IGF1R: variants seen among roughly 807,000 people sequenced by gnomAD.
IGF1R encodes the protein insulin-like growth factor 1 receptor.
IGF1R carries 44 observed loss-of-function variants against 144.6 expected under a neutral mutation model. The observed-to-expected ratio is 0.30, with a 90% CI of 0.24 to 0.39. The LOEUF (loss-of-function observed/expected upper bound fraction) is 0.39, where lower values mean the gene tolerates loss of function less well. Among genes scored for constraint, IGF1R ranks in the 10% least tolerant of loss-of-function variants. IGF1R has a pLI of 1.00. For synonymous variants in IGF1R, 795 were observed against 722.8 expected, an observed-to-expected ratio of 1.10 and a Z score of -1.60; for missense variants, 1,355 against 1,833.7, an observed-to-expected ratio of 0.74 and a Z score of 4.77.
intron 2 of IGF1R, among the ~76,000 whole-genome samples, chr15:98,835,694 C>T (rs1013536042): frequency 5.9e-5 from 9 of 152,214 alleles, no homozygotes; most frequent in African/African-American, 2.2e-4. Flanking sequence ...CCAGACCCTC[C>T]TGGCAGCTTT....
At chr15:98,815,267 C>T (rs2056672332) in intron 2 of IGF1R, among the ~76,000 whole-genome samples, 1 of 152,312 alleles carries the variant, frequency 6.6e-6, no homozygotes, top group Middle Eastern at 3.4e-3. Flanking sequence ...CGAAAGGCAA[C>T]AGAAAACCTG....
intron 15 of IGF1R, among the ~76,000 whole-genome samples, chr15:98,932,738 T>C (rs762207503): frequency 4.6e-5 from 7 of 152,220 alleles, no homozygotes; most frequent in Non-Finnish European, 1.0e-4. Flanking sequence ...CCGCCTCTTC[T>C]TCAGGGGTGC....
chr15:98,864,070 C>T (rs571648024), intron 2 of IGF1R, among the ~76,000 whole-genome samples: 56 of 151,818 alleles, frequency 3.7e-4, no homozygotes, highest in Middle Eastern at 6.8e-3. Flanking sequence ...CCAGCTTGGG[C>T]AACATAGGGA....
At chr15:98,788,058 CTCTCTGTGTGTGTGTGTG>C (rs2056044018) in intron 2 of IGF1R, among the ~76,000 whole-genome samples, 1 of 128,008 alleles carries the variant, frequency 7.8e-6, no homozygotes, top group African/African-American at 3.0e-5. Flanking sequence ...CTCTCTCTCT[CTCTCTGTGTGTGTGTGTG>C]TGTGTGTGTG....
At chr15:98,700,681 G>A (rs914358164) in intron 1 of IGF1R, among the ~76,000 whole-genome samples, 22 of 152,026 alleles carry the variant, frequency 1.4e-4, no homozygotes, top group East Asian at 1.2e-3. Flanking sequence ...TGTTCTCCCC[G>A]CCACACGGGC....
chr15:98,707,905 T>A lies in IGF1R; in HGVS notation c.438T>A (p.Asn146Lys). Residue 146 changes from asparagine (N) to lysine (K), a missense_variant, in exon 2 of 21, where the codon AAT becomes AAA. By Grantham distance (94) the Asn-to-Lys change is moderately conservative (BLOSUM62 0). Around this residue, in one of 7 missense-constraint regions of IGF1R, gnomAD observed 880 missense variants for 1,202.7 expected, o/e 0.73. Coordinates refer to ENST00000650285, the MANE Select transcript of IGF1R (RefSeq NM_000875.5). This position sits in a 1 kb window ranked among gnomAD's most constrained non-coding sequence, Gnocchi z 6.7. ...GGGGGGCCATCAGGATTGAGAAAAA[T>A]GCTGACCTCTGTTACCTCTCCACTG... Reference protein sequence around the residue: ...ITRGAIRIEKNADLCYLSTVD... With the variant: ...ITRGAIRIEKKADLCYLSTVD... 1 of 1,614,062 alleles carries A rather than the reference T, an allele frequency of 6.2e-7. No homozygotes were observed. The highest frequency in any genetic ancestry group is 8.5e-7 in the Non-Finnish European group (1 of 1,180,010).
At chr15:98,737,366 T>A (rs1026997554) in intron 2 of IGF1R, among the ~76,000 whole-genome samples, 3 of 152,128 alleles carry the variant, frequency 2.0e-5, no homozygotes, top group Non-Finnish European at 2.9e-5. Context: ...AATGTGGAGA[T>A]TAGGAACCGA....
At chr15:98,743,083 G>A (rs142654381) in intron 2 of IGF1R, among the ~76,000 whole-genome samples, 5 of 152,106 alleles carry the variant, frequency 3.3e-5, no homozygotes, top group African/African-American at 9.7e-5. Flanking sequence ...GGTTTTGTTC[G>A]TTATTTTTTT....
intron 13 of IGF1R, among the ~76,000 whole-genome samples, chr15:98,926,516 T>C (rs1253029551): frequency 6.6e-6 from 1 of 151,414 alleles, no homozygotes; most frequent in East Asian, 1.9e-4. Context: ...CATTCAGCTG[T>C]TCTACAATGT....
chr15:98,854,817 C>T (rs1176079100), intron 2 of IGF1R, among the ~76,000 whole-genome samples: 1 of 152,114 alleles, frequency 6.6e-6, no homozygotes, highest in Admixed American at 6.5e-5. Context: ...AATCCCTGCC[C>T]CAGTGTTCTG....
chr15:98,705,419 G>A (rs1311689734), intron 1 of IGF1R, among the ~76,000 whole-genome samples: 1 of 152,130 alleles, frequency 6.6e-6, no homozygotes, highest in Non-Finnish European at 1.5e-5. Flanking sequence ...TGCTATGTAG[G>A]GGCTGAAATC....
chr15:98,705,726 G>A (rs2053845804), intron 1 of IGF1R, among the ~76,000 whole-genome samples: 1 of 152,068 alleles, frequency 6.6e-6, no homozygotes, highest in Non-Finnish European at 1.5e-5. Context: ...TCTCTCCCTC[G>A]TCTGTTCACT....
chr15:98,775,830 C>A (rs149151651), intron 2 of IGF1R, among the ~76,000 whole-genome samples: 25 of 152,354 alleles, frequency 1.6e-4, no homozygotes, highest in Middle Eastern at 6.8e-3. Context: ...ATTTGCATTT[C>A]TGTCAAGTTC....
At chr15:98,954,512 C>A in intron 20 of IGF1R, 1 of 152,178 alleles carries the variant, frequency 6.6e-6, no homozygotes, top group African/African-American at 2.4e-5. Context: ...GGTCTTGAAT[C>A]CCACAGAGCA....
Position 98,960,138 on chromosome 15 carries a change from C to G in IGF1R, c.*2696C>G, listed in dbSNP as rs371171245. 1.3e-5 allele frequency: 3 copies of G among 233,526 alleles called. No homozygotes were observed. Among genetic ancestry groups the G allele is most frequent in the Non-Finnish European group, 2.5e-5 (3 of 118,060 alleles). 14.5% of individuals were successfully genotyped at this position (233,526 alleles called of 1,614,324 possible). On this transcript the variant is annotated 3_prime_UTR_variant, in exon 21 of 21. Coordinates refer to ENST00000650285, the MANE Select transcript of IGF1R (RefSeq NM_000875.5). ...CCTTTCTCAGCACCTGACAATAGGCCGTTGATACTGGTAACCTCATCCACG... is the reference window on the plus strand; with the variant it reads ...CCTTTCTCAGCACCTGACAATAGGCGGTTGATACTGGTAACCTCATCCACG...
At chr15:98,930,341 G>GGGC (rs750631725) in intron 15 of IGF1R, 36 bp downstream of exon 15, 356 of 1,510,166 alleles carry the variant, frequency 2.4e-4, no homozygotes, top group Non-Finnish European at 3.1e-4. Context: ...CCAGCGTGCA[G>GGGC]GGCAGGTAGA....
At chr15:98,896,693 T>C in intron 3 of IGF1R, 64 bp from the exon 4 acceptor site, 1 of 1,525,184 alleles carries the variant, frequency 6.6e-7, no homozygotes, top group Non-Finnish European at 9.0e-7. Context: ...CCTTATGGTT[T>C]TTTTAATGCA....
At chr15:98,940,233 G>A (rs1040219344) in intron 18 of IGF1R, among the ~76,000 whole-genome samples, 26 of 152,140 alleles carry the variant, frequency 1.7e-4, no homozygotes, top group Non-Finnish European at 3.5e-4. Flanking sequence ...GAAACTGCAG[G>A]GGAGATTTAA....
Position 98,957,628 on chromosome 15 carries a change from A to T in IGF1R, c.*186A>T. On this transcript the variant is annotated 3_prime_UTR_variant, in exon 21 of 21. Coordinates refer to ENST00000650285, the MANE Select transcript of IGF1R (RefSeq NM_000875.5). ...ACACATTTGGGATGTTCCTTTTTTC[A>T]ATATGCAAGCAGCTTTTTATTCCCT... The T allele has an allele frequency of 1.4e-6, 1 of 691,734 alleles. No individual in the cohort carries two copies. Among genetic ancestry groups the T allele is most frequent in the Admixed American group, 2.6e-5 (1 of 37,798 alleles). The allele number at this position is 691,734 out of a possible 1,614,324, so 42.8% of individuals were successfully genotyped here. A position where few individuals can be genotyped will look rare whatever the true frequency, so the allele number is the denominator to read the frequency against.
Sources: allele counts gnomAD v4.1 joint callset (sites outside exome capture counted in the v4.1 genomes callset), GRCh38; gene constraint gnomAD v4.1.1; regional missense constraint gnomAD v4.1.1; non-coding constraint Gnocchi (gnomAD v3.1); transcripts MANE v1.5; gene names NCBI Gene and HGNC (gene_info 2026-07-23, HGNC 2026-07-21).